Variants in ADGRF5 observed in about 807,000 individuals in gnomAD.
ADGRF5 encodes the protein adhesion G protein-coupled receptor F5, also known as G-protein coupled receptor 116.
ADGRF5 carries 75 observed loss-of-function variants against 132.3 expected under a neutral mutation model. The ratio of observed to expected loss-of-function variants is 0.57; its 90% CI spans 0.47 to 0.69. The LOEUF (loss-of-function observed/expected upper bound fraction) is 0.69. ADGRF5 is among the 30% of genes least tolerant of loss of function. The probability of loss-of-function intolerance (pLI) is 0.00; values close to 1 mark genes in which losing one functional copy is unlikely to be tolerated. For synonymous variants in ADGRF5, 629 were observed against 597.6 expected (o/e 1.05, Z -0.77); for missense variants, 1,516 against 1,630.6 (o/e 0.93, Z 1.21).
At chr6:46,897,501 G>A (rs957033733) in intron 3 of ADGRF5, among the ~76,000 whole-genome samples, 6 of 152,122 alleles carry the variant, frequency 3.9e-5, no homozygotes, top group African/African-American at 1.2e-4. Flanking sequence ...GCAGAACACA[G>A]ACACCTCCAT....
At chr6:46,923,993 T>G (rs1482405068), upstream of ADGRF5, among the ~76,000 whole-genome samples, 1 of 152,228 alleles carries the variant, frequency 6.6e-6, no homozygotes, top group African/African-American at 2.4e-5. Flanking sequence ...ATGTTATCAC[T>G]TTGTTAATAT....
chr6:46,929,019 G>A (rs2150933488), intron 1 of ADGRF5, among the ~76,000 whole-genome samples: 1 of 152,226 alleles, frequency 6.6e-6, no homozygotes, highest in East Asian at 1.9e-4. Flanking sequence ...TATAAATCAT[G>A]CTGCTATAAA....
At chr6:46,902,732 T>C (rs570660969) in intron 2 of ADGRF5, among the ~76,000 whole-genome samples, 1 of 152,350 alleles carries the variant, frequency 6.6e-6, no homozygotes, top group South Asian at 2.1e-4. Flanking sequence ...GCCTCTTCGT[T>C]GTCCAGTGGG....
At position 46,942,571 on chromosome 6, in the gene ADGRF5, A is replaced by C. The variant is rs188214657; in HGVS notation, c.-25+12163T>G. On this transcript the variant is annotated intron_variant, in intron 1 of 20. Transcript: ENST00000265417. Reference sequence around the variant, plus strand: ...TTCTCATATTAAAGGAAGTATTCCAAATTAAGTATTTAGAGCAGAACTTGT... The same window carrying C: ...TTCTCATATTAAAGGAAGTATTCCACATTAAGTATTTAGAGCAGAACTTGT... Among the ~76,000 whole-genome samples the C allele has an allele frequency of 1.3e-3, 196 of 152,328 alleles. 1 individual carries two copies. Among genetic ancestry groups the C allele is most frequent in the African/African-American group, 4.3e-3 (180 of 41,562 alleles).
At chr6:46,900,716 G>C (rs1463070794) in intron 2 of ADGRF5, among the ~76,000 whole-genome samples, 1 of 152,256 alleles carries the variant, frequency 6.6e-6, no homozygotes, top group East Asian at 1.9e-4. Flanking sequence ...TCCTCGCTGA[G>C]CTTCAGGGTT....
At chr6:46,936,904 C>A (rs1777856870) in intron 1 of ADGRF5, among the ~76,000 whole-genome samples, 1 of 152,194 alleles carries the variant, frequency 6.6e-6, no homozygotes. Flanking sequence ...TGTGTTCCTG[C>A]CCTCTAGCCA....
At chr6:46,931,639 C>T (rs1297385243) in intron 1 of ADGRF5, among the ~76,000 whole-genome samples, 2 of 152,270 alleles carry the variant, frequency 1.3e-5, no homozygotes, top group African/African-American at 4.8e-5. Context: ...CAGGGGCCCA[C>T]TGTCCTCTTT....
intron 1 of ADGRF5, among the ~76,000 whole-genome samples, chr6:46,913,230 T>C (rs1776120270): frequency 6.6e-6 from 1 of 151,972 alleles, no homozygotes; most frequent in Non-Finnish European, 1.5e-5. Context: ...GGGCCAGGTG[T>C]CTCACGCCTT....
intron 1 of ADGRF5, among the ~76,000 whole-genome samples, chr6:46,952,651 T>G (rs902380031): frequency 1.3e-5 from 2 of 152,210 alleles, no homozygotes; most frequent in African/African-American, 4.8e-5. Context: ...AAACTATAGA[T>G]CTCGATCTGA....
rs1769473565 is a variant in ADGRF5, at chr6:46,859,446, G to C, written c.2457C>G (p.Thr819=). The C allele has an allele frequency of 1.2e-6, 2 of 1,612,808 alleles. No homozygotes were observed. Among genetic ancestry groups the C allele is most frequent in the African/African-American group, 2.7e-5 (2 of 75,014 alleles). ...AATGTAGTAGCTGTGAACTCTGATT[G>C]GTCCATTGCTGTTGTAAAACCTTCC... ...NTWKVLQQQW[T]NQSSQLLHSV... Residue 819 remains threonine (T), a synonymous_variant, in exon 17 of 21, where the codon ACC becomes ACG. Coordinates refer to ENST00000283296, the MANE Select transcript of ADGRF5 (RefSeq NM_001098518.2).
At chr6:46,903,326 A>G (rs569140571) in intron 2 of ADGRF5, 2 of 152,268 alleles carry the variant, frequency 1.3e-5, no homozygotes, top group South Asian at 4.1e-4. Context: ...AGAGGTCCCC[A>G]GGGGACTGTC....
At position 46,883,679 on chromosome 6, in the gene ADGRF5, C is replaced by G. The variant is rs1415672460; in HGVS notation, c.506-14G>C. 1 of 1,315,388 alleles carries G rather than the reference C, an allele frequency of 7.6e-7. No homozygotes were observed. 81.5% of individuals were successfully genotyped at this position (1,315,388 alleles called of 1,614,324 possible). ...TCAGGGTAACATCTGTTGAAAAACA[C>G]AGGGCAATATTTAAAAATATGTTAA... On this transcript the variant is annotated splice_polypyrimidine_tract_variant and intron_variant, in intron 5 of 20. Coordinates refer to ENST00000283296, the MANE Select transcript of ADGRF5 (RefSeq NM_001098518.2).
At chr6:46,898,414 G>A (rs1253452778) in intron 3 of ADGRF5, among the ~76,000 whole-genome samples, 3 of 152,274 alleles carry the variant, frequency 2.0e-5, no homozygotes, top group Non-Finnish European at 2.9e-5. Context: ...AAGGGTTGTC[G>A]GGATGGGGTA....
At chr6:46,880,999 C>G (rs1031135813) in intron 8 of ADGRF5, among the ~76,000 whole-genome samples, 1 of 151,894 alleles carries the variant, frequency 6.6e-6, no homozygotes, top group Non-Finnish European at 1.5e-5. Context: ...ACCCTAGAGG[C>G]TGAAGCAGGA....
intron 3 of ADGRF5, among the ~76,000 whole-genome samples, chr6:46,891,379 A>G (rs1470614005): frequency 6.6e-6 from 1 of 152,222 alleles, no homozygotes; most frequent in African/African-American, 2.4e-5. Flanking sequence ...AGGCTGCATA[A>G]TATTTACAAG....
rs1420449633 is a variant in ADGRF5, at chr6:46,858,921, G to A, written c.2982C>T (p.Ser994=). 6.2e-7 allele frequency: 1 copy of A among 1,613,868 alleles called. No individual in the cohort carries two copies. The highest frequency in any genetic ancestry group is 8.5e-7 in the Non-Finnish European group (1 of 1,179,794). ...CTGGGGAGTCAGGGGACATGAGGAT[G>A]GAGAATGATGTTAGGTGGTCACAGA... is the stretch of plus-strand genomic sequence containing the variant. ...TCICDHLTSF[S]ILMSPDSPDP... The change falls in exon 17 of 21, where the codon TCC becomes TCT. Residue 994 remains serine (S), a synonymous_variant. Coordinates refer to ENST00000283296, the MANE Select transcript of ADGRF5 (RefSeq NM_001098518.2).
chr6:46,933,912 G>A (rs148730759), intron 1 of ADGRF5, among the ~76,000 whole-genome samples: 4 of 152,172 alleles, frequency 2.6e-5, no homozygotes, highest in East Asian at 1.9e-4. Flanking sequence ...CAGACCCATC[G>A]CCCTTGGTTT....
chr6:46,854,861 G>T, intron 20 of ADGRF5: 1 of 564,364 alleles, frequency 1.8e-6, no homozygotes. Flanking sequence ...CAGAAGTGAA[G>T]GTCCACCAGT....
intron 1 of ADGRF5, among the ~76,000 whole-genome samples, chr6:46,939,177 A>G (rs1417778856): frequency 6.6e-6 from 1 of 152,138 alleles, no homozygotes; most frequent in African/African-American, 2.4e-5. Flanking sequence ...GCCTTTTCTG[A>G]TTACATAAAA....
Sources: allele counts gnomAD v4.1 joint callset (sites outside exome capture counted in the v4.1 genomes callset), GRCh38; gene constraint gnomAD v4.1.1; transcripts MANE v1.5; gene names NCBI Gene and HGNC (gene_info 2026-07-23, HGNC 2026-07-21).